The following CNTNAP5 variants were observed in gnomAD, a reference collection of about 807,000 sequenced individuals.
CNTNAP5 encodes contactin associated protein family member 5.
CNTNAP5 carries 72 observed loss-of-function variants against 150.2 expected under a neutral mutation model. The ratio of observed to expected loss-of-function variants is 0.48; its 90% confidence interval spans 0.40 to 0.58. CNTNAP5 has a LOEUF of 0.58. Ranked by LOEUF, CNTNAP5 falls within the 20% of genes least tolerant of loss-of-function variation. The pLI, the probability that CNTNAP5 is intolerant of heterozygous loss-of-function variation, is 0.00. For missense variants in CNTNAP5, 1,636 were observed against 1,626.2 expected, an observed-to-expected ratio of 1.01 and a Z score of -0.10; for synonymous variants, 672 against 619.8, an observed-to-expected ratio of 1.08 and a Z score of -1.25.
chr2:124,696,991 AATAC>A (rs1679418357), intron 13 of CNTNAP5, among the ~76,000 whole-genome samples: 1 of 152,146 alleles, frequency 6.6e-6, no homozygotes, highest in African/African-American at 2.4e-5. Context: ...ATTGCATGAG[AATAC>A]AGTGTCTCAG....
chr2:124,177,079 C>G (rs1021126301), intron 1 of CNTNAP5, among the ~76,000 whole-genome samples: 1 of 151,988 alleles, frequency 6.6e-6, no homozygotes, highest in Admixed American at 6.6e-5. Context: ...AACTCCTGAC[C>G]TCAGGTGATC....
intron 14 of CNTNAP5, among the ~76,000 whole-genome samples, chr2:124,758,743 C>T (rs1160489949): frequency 1.3e-5 from 2 of 151,646 alleles, no homozygotes; most frequent in Non-Finnish European, 2.9e-5. Flanking sequence ...AGCATGCAAG[C>T]AGAAAGAGTG....
chr2:124,887,111 G>C (rs1678097120), intron 21 of CNTNAP5, among the ~76,000 whole-genome samples: 2 of 151,962 alleles, frequency 1.3e-5, no homozygotes, highest in East Asian at 1.9e-4. Context: ...AAATCTTTTT[G>C]ACAGAAATTC....
chr2:124,236,759 G>A (rs1686757483), intron 2 of CNTNAP5, among the ~76,000 whole-genome samples: 1 of 152,060 alleles, frequency 6.6e-6, no homozygotes, highest in African/African-American at 2.4e-5. Context: ...AGAAGTAACT[G>A]CCTGGGAAAC....
At chr2:124,652,914 C>T (rs939835389) in intron 13 of CNTNAP5, among the ~76,000 whole-genome samples, 16 of 152,202 alleles carry the variant, frequency 1.1e-4, no homozygotes, top group South Asian at 4.1e-4. Context: ...TATTGAAACA[C>T]GTGAAAGCAC....
At chr2:124,784,029 A>G (rs1459538246) in intron 17 of CNTNAP5, among the ~76,000 whole-genome samples, 3 of 152,210 alleles carry the variant, frequency 2.0e-5, no homozygotes, top group African/African-American at 7.2e-5. Flanking sequence ...CATCATGTAT[A>G]TGTTAAACCT....
intron 1 of CNTNAP5, among the ~76,000 whole-genome samples, chr2:124,117,978 T>A (rs74710582): frequency 0.049 from 7,414 of 152,166 alleles, 253 homozygotes; most frequent in South Asian, 0.15. Flanking sequence ...CCCAGCTACA[T>A]GGAACTATAT....
intron 3 of CNTNAP5, among the ~76,000 whole-genome samples, chr2:124,277,573 G>GGT (rs1490321132): frequency 1.3e-5 from 2 of 152,072 alleles, no homozygotes; most frequent in Non-Finnish European, 2.9e-5. Context: ...TCATTTCCAA[G>GGT]AGGTTTACTA....
chr2:124,306,108 A>C (rs1688684082), intron 3 of CNTNAP5, among the ~76,000 whole-genome samples: 1 of 152,234 alleles, frequency 6.6e-6, no homozygotes, highest in East Asian at 1.9e-4. Context: ...CAGAACCACA[A>C]CTGAAATGGC....
chr2:124,428,546 A>T (rs936039595), intron 4 of CNTNAP5, among the ~76,000 whole-genome samples: 9 of 152,226 alleles, frequency 5.9e-5, no homozygotes, highest in Non-Finnish European at 8.8e-5. Flanking sequence ...CTGCTCTCCC[A>T]GAAAGGGAGC....
chr2:124,684,469 G>T (rs1401499308), intron 13 of CNTNAP5, among the ~76,000 whole-genome samples: 1 of 152,132 alleles, frequency 6.6e-6, no homozygotes, highest in Non-Finnish European at 1.5e-5. Context: ...AAAGCTCTGG[G>T]TATGGCCATC....
intron 1 of CNTNAP5, among the ~76,000 whole-genome samples, chr2:124,059,907 A>T (rs12622072): frequency 0.1 from 15,572 of 152,252 alleles, 914 homozygotes; most frequent in East Asian, 0.29. Flanking sequence ...TGATATTATG[A>T]AAGGAAAGCA....
intron 13 of CNTNAP5, among the ~76,000 whole-genome samples, chr2:124,723,317 T>C (rs1450914685): frequency 6.6e-6 from 1 of 152,202 alleles, no homozygotes; most frequent in Non-Finnish European, 1.5e-5. Context: ...TTTACTTTTA[T>C]AACAAAGATC....
intron 18 of CNTNAP5, 52 bp from the exon 19 acceptor site, chr2:124,798,044 A>C (rs1170053281): frequency 1.2e-5 from 17 of 1,403,154 alleles, no homozygotes; most frequent in Non-Finnish European, 1.6e-5. Context: ...GGTTAGCTTG[A>C]ACAATGGATC....
At chr2:124,265,360 C>A (rs1687578379) in intron 3 of CNTNAP5, among the ~76,000 whole-genome samples, 1 of 152,130 alleles carries the variant, frequency 6.6e-6, no homozygotes, top group Non-Finnish European at 1.5e-5. Flanking sequence ...CCTCTGCACA[C>A]TCTAATTATG....
chr2:124,522,562 C>T (rs998642204), intron 8 of CNTNAP5, among the ~76,000 whole-genome samples: 5 of 152,210 alleles, frequency 3.3e-5, no homozygotes, highest in Non-Finnish European at 7.3e-5. Context: ...TCTCTGGCTG[C>T]ACATTAGAAC....
chr2:124,109,219 G>A (rs916797632), intron 1 of CNTNAP5, among the ~76,000 whole-genome samples: 1 of 152,118 alleles, frequency 6.6e-6, no homozygotes, highest in Non-Finnish European at 1.5e-5. Context: ...GGAAAAAGGG[G>A]CACACACTGA....
At chr2:124,812,120 A>T (rs12478818) in intron 19 of CNTNAP5, among the ~76,000 whole-genome samples, 1,440 of 65,472 alleles carry the variant, frequency 0.022, 43 homozygotes, top group Non-Finnish European at 0.034. Flanking sequence ...TATATTATAT[A>T]ATATATAATT....
intron 3 of CNTNAP5, among the ~76,000 whole-genome samples, chr2:124,368,940 C>A (rs1173066867): frequency 6.6e-6 from 1 of 152,146 alleles, no homozygotes; most frequent in African/African-American, 2.4e-5. Flanking sequence ...ACTGAATACC[C>A]ATTTTATCTT....
Sources: allele counts gnomAD v4.1 joint callset (sites outside exome capture counted in the v4.1 genomes callset), GRCh38; gene constraint gnomAD v4.1.1; transcripts MANE v1.5; gene names NCBI Gene and HGNC (gene_info 2026-07-23, HGNC 2026-07-21).